The following NUMB variants were observed in gnomAD, a reference collection of about 807,000 sequenced individuals.
The protein encoded by NUMB is protein numb homolog.
In NUMB, 29 loss-of-function variants were observed where a neutral mutation model predicts 59.7. That is an observed-to-expected ratio of 0.49 (90% confidence interval 0.36 to 0.66). The LOEUF (loss-of-function observed/expected upper bound fraction) is 0.66. Among genes scored for constraint, NUMB ranks in the 30% least tolerant of loss-of-function variants. The pLI, the probability that NUMB is intolerant of heterozygous loss-of-function variation, is 0.00. For synonymous variants in NUMB, 288 were observed against 288.2 expected, an observed-to-expected ratio of 1.00 and a Z score of 0.01; for missense variants, 723 against 822.0, an observed-to-expected ratio of 0.88 and a Z score of 1.47.
At chr14:73,350,353 A>G (rs1270979063) in intron 4 of NUMB, among the ~76,000 whole-genome samples, 1 of 151,090 alleles carries the variant, frequency 6.6e-6, no homozygotes, top group Non-Finnish European at 1.5e-5. Context: ...TTGTATTTTT[A>G]TTAGAGATGG....
intron 2 of NUMB, among the ~76,000 whole-genome samples, chr14:73,398,395 A>AGC (rs1896243066): frequency 1.4e-5 from 1 of 70,660 alleles, no homozygotes; most frequent in South Asian, 4.8e-4. Flanking sequence ...ACACACACAG[A>AGC]GAGAGAGAGA....
chr14:73,323,147 C>T lies in NUMB; in HGVS notation c.184G>A (p.Val62Ile). ...ATACATACAGCTTTCAATCTTTTTA[C>T]AGCATCTTCACAGATGTGCATTCCT... ...SRGMHICEDAVKRLKAERKFF... is the reference protein window; with the variant it reads ...SRGMHICEDAIKRLKAERKFF... Residue 62 changes from valine (V) to isoleucine (I), a missense_variant, in exon 5 of 13, where the codon GTA becomes ATA. Around this residue, in one of 2 missense-constraint regions of NUMB, gnomAD observed 317 missense variants for 436.6 expected, o/e 0.73. Coordinates refer to ENST00000555238, the MANE Select transcript of NUMB (RefSeq NM_001005743.2). The T allele has an allele frequency of 6.2e-7, 1 of 1,612,268 alleles. No individual in the cohort carries two copies. The highest frequency in any genetic ancestry group is 8.5e-7 in the Non-Finnish European group (1 of 1,178,520).
chr14:73,284,581 C>T (rs1209564954), intron 9 of NUMB: 17 of 456,082 alleles, frequency 3.7e-5, no homozygotes, highest in Admixed American at 3.1e-4. Context: ...AGCATATCTA[C>T]TAAGACAGAA....
intron 2 of NUMB, among the ~76,000 whole-genome samples, chr14:73,389,785 A>T (rs780609177): frequency 7.2e-5 from 11 of 152,236 alleles, no homozygotes; most frequent in Non-Finnish European, 1.5e-4. Flanking sequence ...AAAATGGGAT[A>T]ATAATGTATA....
intron 1 of NUMB, among the ~76,000 whole-genome samples, chr14:73,413,162 G>A (rs1411040358): frequency 2.6e-5 from 4 of 151,426 alleles, no homozygotes; most frequent in East Asian, 2.0e-4. Context: ...TCGGCTCACT[G>A]CAACCTCTGC....
intron 6 of NUMB, among the ~76,000 whole-genome samples, chr14:73,301,582 C>T (rs1351669690): frequency 3.3e-5 from 5 of 151,870 alleles, no homozygotes; most frequent in Non-Finnish European, 5.9e-5. Flanking sequence ...GGACTACAGG[C>T]GTGCACTACC....
At chr14:73,351,496 TAAATTAATTAATTAAATTAAATAA>T (rs1893258703) in intron 4 of NUMB, among the ~76,000 whole-genome samples, 1 of 150,816 alleles carries the variant, frequency 6.6e-6, no homozygotes, top group African/African-American at 2.4e-5. Flanking sequence ...CATAAATAAA[TAAATTAATTAATTAAATTAAATAA>T]GTAAGATACT....
intron 2 of NUMB, among the ~76,000 whole-genome samples, chr14:73,372,631 CT>C (rs1381613239): frequency 6.6e-6 from 1 of 151,546 alleles, no homozygotes; most frequent in East Asian, 1.9e-4. Flanking sequence ...AATGAAAAAA[CT>C]TGACTCCCAT....
At chr14:73,321,310 C>A (rs147092798) in intron 5 of NUMB, among the ~76,000 whole-genome samples, 22 of 152,224 alleles carry the variant, frequency 1.4e-4, no homozygotes, top group African/African-American at 5.1e-4. Flanking sequence ...GCTATCTAGT[C>A]TGTTCACTGT....
intron 5 of NUMB, among the ~76,000 whole-genome samples, chr14:73,321,761 T>C (rs1229108833): frequency 1.3e-5 from 2 of 152,216 alleles, no homozygotes; most frequent in Non-Finnish European, 2.9e-5. Context: ...GCTTGAATCA[T>C]TTAAGAATTT....
At position 73,362,054 on chromosome 14, in the gene NUMB, C is replaced by T. The variant is rs538544051; in HGVS notation, c.-16+4843G>A. On this transcript the variant is annotated intron_variant, in intron 3 of 12. Transcript: ENST00000555238. Reference sequence around the variant, plus strand: ...GGTGGATTGCTTGAGCCCATGAATTCGAGACCAGCCTGGACAACATGGCAA... The same window carrying T: ...GGTGGATTGCTTGAGCCCATGAATTTGAGACCAGCCTGGACAACATGGCAA... 1.5e-4 allele frequency among the ~76,000 whole-genome samples: 23 copies of T among 152,140 alleles called. 1 individual carries two copies. In the South Asian group the frequency reaches 2.7e-3, roughly 18 times the overall value.
intron 1 of NUMB, among the ~76,000 whole-genome samples, chr14:73,417,961 C>T (rs961914458): frequency 2.0e-5 from 3 of 152,156 alleles, no homozygotes; most frequent in Non-Finnish European, 2.9e-5. Flanking sequence ...AAAAATTAGC[C>T]GGGCATGGTG....
At chr14:73,286,981 T>C (rs758288538) in intron 9 of NUMB, 129 bp downstream of exon 9, 2 of 882,368 alleles carry the variant, frequency 2.3e-6, no homozygotes, top group Non-Finnish European at 3.6e-6. Flanking sequence ...ATTTTCAACT[T>C]TGTTATAAGG....
chr14:73,456,111 CTT>C (rs11413301), intron 1 of NUMB, among the ~76,000 whole-genome samples: 10 of 142,978 alleles, frequency 7.0e-5, no homozygotes, highest in Admixed American at 2.1e-4. Context: ...CCAAAAAAAC[CTT>C]TTTTTTTTTT....
chr14:73,356,611 G>A (rs1282183170), intron 3 of NUMB, among the ~76,000 whole-genome samples: 1 of 152,142 alleles, frequency 6.6e-6, no homozygotes, highest in Non-Finnish European at 1.5e-5. Context: ...CAGCCTGGGC[G>A]ACAGAGTGAG....
intron 6 of NUMB, among the ~76,000 whole-genome samples, chr14:73,312,839 TTTAATC>T (rs1461868969): frequency 3.3e-5 from 5 of 152,194 alleles, no homozygotes; most frequent in Non-Finnish European, 5.9e-5. Context: ...TAAGTTATCT[TTTAATC>T]AAAACACAGC....
chr14:73,321,062 CA>C (rs1050545468), intron 5 of NUMB, among the ~76,000 whole-genome samples: 37 of 149,616 alleles, frequency 2.5e-4, no homozygotes, highest in Middle Eastern at 3.4e-3. Flanking sequence ...AAAAGTATTT[CA>C]AAAAAAAACA....
At chr14:73,372,201 C>G (rs1894705453) in intron 2 of NUMB, among the ~76,000 whole-genome samples, 1 of 150,190 alleles carries the variant, frequency 6.7e-6, no homozygotes, top group Non-Finnish European at 1.5e-5. Flanking sequence ...CCACTGCACT[C>G]CAGCCTGGGT....
chr14:73,401,917 TG>T (rs1425199036), intron 2 of NUMB, among the ~76,000 whole-genome samples: 1 of 151,944 alleles, frequency 6.6e-6, no homozygotes, highest in African/African-American at 2.4e-5. Flanking sequence ...TGGAGAGCAG[TG>T]GGGTACAATC....
Sources: gnomAD v4.1 joint callset for allele counts (sites outside exome capture counted in the v4.1 genomes callset) on GRCh38, gnomAD v4.1.1 for gene constraint, gnomAD v4.1.1 regional missense constraint, MANE v1.5 for transcripts, NCBI Gene and HGNC (gene_info 2026-07-23, HGNC 2026-07-21) for gene names.